Variants in DCC observed in about 807,000 individuals in gnomAD.
The protein encoded by DCC is DCC netrin 1 receptor.
DCC carries 58 observed loss-of-function variants against 172.5 expected under a neutral mutation model. That is an observed-to-expected ratio of 0.34 (90% CI 0.27 to 0.42). The LOEUF (loss-of-function observed/expected upper bound fraction) is 0.42. Among genes scored for constraint, DCC ranks in the 10% least tolerant of loss-of-function variants. DCC has a pLI of 1.00. For missense variants in DCC, 1,740 were observed against 1,791.0 expected (o/e 0.97, Z 0.51); for synonymous variants, 709 against 644.5 (o/e 1.10, Z -1.52).
intron 12 of DCC, among the ~76,000 whole-genome samples, chr18:53,257,948 A>T (rs1230204447): frequency 1.3e-5 from 2 of 152,076 alleles, no homozygotes; most frequent in Admixed American, 1.3e-4. Context: ...GGGAGGGCGT[A>T]TGTGTGGAGG....
intron 7 of DCC, among the ~76,000 whole-genome samples, chr18:53,132,446 T>A (rs1269260696): frequency 6.6e-6 from 1 of 152,134 alleles, no homozygotes; most frequent in Non-Finnish European, 1.5e-5. Context: ...GGGATGCTGA[T>A]CCACGCTTAA....
intron 24 of DCC, among the ~76,000 whole-genome samples, chr18:53,463,675 G>A (rs760948738): frequency 6.6e-6 from 1 of 152,100 alleles, no homozygotes; most frequent in Non-Finnish European, 1.5e-5. Context: ...AAATTAAGAA[G>A]GGTTAAATAA....
intron 12 of DCC, among the ~76,000 whole-genome samples, chr18:53,246,369 T>G (rs567962357): frequency 3.9e-5 from 6 of 152,048 alleles, no homozygotes; most frequent in Non-Finnish European, 8.8e-5. Context: ...TTTTACATAT[T>G]AAAATATTCA....
intron 7 of DCC, among the ~76,000 whole-genome samples, chr18:53,072,160 T>C (rs1267686674): frequency 6.6e-6 from 1 of 152,050 alleles, no homozygotes; most frequent in Non-Finnish European, 1.5e-5. Flanking sequence ...ATGTGTTCTG[T>C]GTTACAAGAA....
rs999279665 is a variant in DCC, at chr18:52,345,842, A to G, written c.91+4964A>G. On this transcript the variant is annotated intron_variant, in intron 1 of 28. Coordinates refer to ENST00000442544, the MANE Select transcript of DCC (RefSeq NM_005215.4). Reference sequence around the variant, plus strand: ...CTAAATAGTGTTGTTATCTTAAGACATTCTAACTTGTGGCCTCTCAGCCAA... The same window carrying G: ...CTAAATAGTGTTGTTATCTTAAGACGTTCTAACTTGTGGCCTCTCAGCCAA... Among the ~76,000 whole-genome samples the G allele has an allele frequency of 8.4e-4, 128 of 152,360 alleles. 1 individual carries two copies. The highest frequency in any genetic ancestry group is 2.9e-3 in the African/African-American group (122 of 41,590).
At chr18:52,543,799 GC>G (rs1181629286) in intron 1 of DCC, among the ~76,000 whole-genome samples, 1 of 152,160 alleles carries the variant, frequency 6.6e-6, no homozygotes, top group Non-Finnish European at 1.5e-5. Context: ...TCCAGCCCTA[GC>G]CTTGCCCATT....
intron 5 of DCC, among the ~76,000 whole-genome samples, chr18:52,929,862 A>ACACACACACT (rs1491076661): frequency 7.7e-6 from 1 of 129,316 alleles, no homozygotes; most frequent in African/African-American, 2.8e-5. Context: ...ACACACACAC[A>ACACACACACT]CTCACGTTTG....
intron 22 of DCC, among the ~76,000 whole-genome samples, chr18:53,440,135 T>TTTTTCTTCAATCTGGAAATTCTTCA (rs1912182858): frequency 6.6e-6 from 1 of 152,220 alleles, no homozygotes; most frequent in South Asian, 2.1e-4. Flanking sequence ...AATTCTTCAA[T>TTTTTCTTCAATCTGGAAATTCTTCA]ATCTGGAAAT....
At chr18:52,615,936 A>G (rs1452702759) in intron 1 of DCC, among the ~76,000 whole-genome samples, 2 of 152,242 alleles carry the variant, frequency 1.3e-5, no homozygotes, top group Non-Finnish European at 2.9e-5. Flanking sequence ...CTTATAATAC[A>G]GAATAAAATG....
chr18:53,406,745 G>A (rs141111442), intron 19 of DCC, among the ~76,000 whole-genome samples: 1,634 of 149,488 alleles, frequency 0.011, 26 homozygotes, highest in Non-Finnish European at 0.018. Context: ...AAAAAGTACA[G>A]GTACAGAAAT....
At chr18:53,441,534 T>C (rs1194795128) in intron 22 of DCC, among the ~76,000 whole-genome samples, 3 of 152,110 alleles carry the variant, frequency 2.0e-5, no homozygotes, top group Non-Finnish European at 4.4e-5. Context: ...GAGCCTTCCC[T>C]TTCACCCTTT....
intron 1 of DCC, among the ~76,000 whole-genome samples, chr18:52,528,544 A>G (rs917898044): frequency 3.3e-5 from 5 of 152,136 alleles, no homozygotes; most frequent in African/African-American, 1.2e-4. Flanking sequence ...CTGGATTAAA[A>G]GCTGGACCTC....
chr18:52,369,834 G>C (rs192290612), intron 1 of DCC, among the ~76,000 whole-genome samples: 4 of 152,056 alleles, frequency 2.6e-5, no homozygotes, highest in African/African-American at 9.7e-5. Context: ...AAGTTTCTGT[G>C]ATATATACAT....
rs553427121 is a variant in DCC, at chr18:52,371,553, T to C, written c.91+30675T>C. Among the ~76,000 whole-genome samples, 7 of 152,356 alleles carry C rather than the reference T, an allele frequency of 4.6e-5. No homozygotes were observed. In the South Asian group the frequency reaches 1.5e-3, roughly 32 times the overall value. On this transcript the variant is annotated intron_variant, in intron 1 of 28. Transcript: ENST00000442544. ...GTTGTTAACTCTTTTAATTCCATTT[T>C]ACCCTTTTTCACCTTCTTAAAGGCT...
intron 2 of DCC, among the ~76,000 whole-genome samples, chr18:52,797,397 C>T (rs1598812317): frequency 6.6e-6 from 1 of 152,026 alleles, no homozygotes. Context: ...TATGGATAGG[C>T]CTTTGTAAGG....
chr18:52,722,599 G>A (rs550981924), intron 1 of DCC, among the ~76,000 whole-genome samples: 13 of 152,170 alleles, frequency 8.5e-5, no homozygotes, highest in Non-Finnish European at 1.3e-4. Context: ...CTGCCTATTC[G>A]ACTGGTGCAA....
chr18:52,926,976 TA>T (rs1459908449), intron 5 of DCC, among the ~76,000 whole-genome samples: 2 of 128,898 alleles, frequency 1.6e-5, no homozygotes, highest in African/African-American at 5.5e-5. Flanking sequence ...TATATATACA[TA>T]TATATGGATA....
intron 1 of DCC, among the ~76,000 whole-genome samples, chr18:52,407,033 G>A (rs949820854): frequency 7.9e-5 from 12 of 152,014 alleles, no homozygotes; most frequent in African/African-American, 2.9e-4. Flanking sequence ...CTAGATTGGT[G>A]AGTTTGATTA....
intron 1 of DCC, among the ~76,000 whole-genome samples, chr18:52,578,280 T>C (rs117230404): frequency 0.041 from 6,263 of 152,270 alleles, 158 homozygotes; most frequent in Non-Finnish European, 0.054. Flanking sequence ...GAAAGTGAGG[T>C]ATTCCTTGAA....
Sources: gnomAD v4.1 joint callset for allele counts (sites outside exome capture counted in the v4.1 genomes callset) on GRCh38, gnomAD v4.1.1 for gene constraint, MANE v1.5 for transcripts, NCBI Gene and HGNC (gene_info 2026-07-23, HGNC 2026-07-21) for gene names.